Variants in DNER observed in about 807,000 individuals in gnomAD.
DNER encodes delta and Notch-like epidermal growth factor-related receptor.
DNER carries 33 observed loss-of-function variants against 78.2 expected under a neutral mutation model. The ratio of observed to expected loss-of-function variants is 0.42; its 90% CI spans 0.32 to 0.56. The LOEUF is 0.56. DNER is among the 20% of genes least tolerant of loss of function. DNER has a pLI of 0.11. For missense variants in DNER, 918 were observed against 975.3 expected, an observed-to-expected ratio of 0.94 and a Z score of 0.78; for synonymous variants, 417 against 384.8, an observed-to-expected ratio of 1.08 and a Z score of -0.98.
intron 10 of DNER, 95 bp from the exon 11 acceptor site, chr2:229,388,491 T>C: frequency 7.1e-7 from 1 of 1,418,318 alleles, no homozygotes. Flanking sequence ...CTAGGGGTCA[T>C]AACCTTTAGC....
intron 5 of DNER, among the ~76,000 whole-genome samples, chr2:229,531,250 C>G (rs1208060839): frequency 6.6e-6 from 1 of 152,180 alleles, no homozygotes; most frequent in Non-Finnish European, 1.5e-5. Flanking sequence ...GAGTGCTGCT[C>G]TCAATCAACT....
intron 5 of DNER, among the ~76,000 whole-genome samples, chr2:229,544,279 C>A (rs1194136609): frequency 6.6e-6 from 1 of 152,088 alleles, no homozygotes; most frequent in Non-Finnish European, 1.5e-5. Flanking sequence ...ATGTAAAGGG[C>A]AGGCTTGGCC....
intron 1 of DNER, among the ~76,000 whole-genome samples, chr2:229,675,717 C>G (rs968749891): frequency 3.3e-5 from 5 of 152,184 alleles, no homozygotes; most frequent in Non-Finnish European, 4.4e-5. Flanking sequence ...AGTGCTCTGT[C>G]TGCATCTACT....
At chr2:229,559,397 C>G (rs559282220) in intron 4 of DNER, among the ~76,000 whole-genome samples, 3 of 152,246 alleles carry the variant, frequency 2.0e-5, no homozygotes, top group South Asian at 4.2e-4. Context: ...ATCAGACCAT[C>G]ATCATACTAG....
chr2:229,489,484 A>G (rs1283336091), intron 6 of DNER, among the ~76,000 whole-genome samples: 1 of 147,712 alleles, frequency 6.8e-6, no homozygotes, highest in African/African-American at 2.5e-5. Context: ...CGGCAACATG[A>G]CTGGGTGGGT....
At chr2:229,461,676 C>T (rs536558617) in intron 7 of DNER, among the ~76,000 whole-genome samples, 2 of 151,930 alleles carry the variant, frequency 1.3e-5, no homozygotes, top group Non-Finnish European at 2.9e-5. Flanking sequence ...ATATACAGTC[C>T]TAACTGGAAG....
intron 7 of DNER, among the ~76,000 whole-genome samples, chr2:229,459,549 T>G (rs1574852900): frequency 6.6e-6 from 1 of 152,202 alleles, no homozygotes; most frequent in Non-Finnish European, 1.5e-5. Flanking sequence ...CACCATCTAC[T>G]TTTTACAGAC....
intron 7 of DNER, among the ~76,000 whole-genome samples, chr2:229,469,995 A>G (rs1192983136): frequency 6.6e-6 from 1 of 152,214 alleles, no homozygotes; most frequent in Admixed American, 6.5e-5. Flanking sequence ...CTTAACACAT[A>G]GGAGGCACTC....
intron 4 of DNER, among the ~76,000 whole-genome samples, chr2:229,557,272 A>G (rs1427812257): frequency 6.6e-6 from 1 of 152,248 alleles, no homozygotes; most frequent in Admixed American, 6.5e-5. Context: ...ACTTTATAAG[A>G]AATGCAGAGC....
intron 1 of DNER, among the ~76,000 whole-genome samples, chr2:229,637,617 G>A (rs190742853): frequency 2.6e-5 from 4 of 152,286 alleles, no homozygotes; most frequent in Admixed American, 6.5e-5. Context: ...GTGCTCTAGC[G>A]TGTATCTCTT....
Position 229,358,447 on chromosome 2 carries a change from C to T in DNER, c.*93G>A. 1 of 1,004,164 alleles carries T rather than the reference C, an allele frequency of 1.0e-6. No individual in the cohort carries two copies. The highest frequency in any genetic ancestry group is 2.3e-5 in the South Asian group (1 of 42,930). The allele number at this position is 1,004,164 out of a possible 1,614,324, so 62.2% of individuals were successfully genotyped here. On this transcript the variant is annotated 3_prime_UTR_variant, in exon 13 of 13. Transcript: ENST00000341772. ...TATTCTACTGAAAACTCTTGAGCAG[C>T]TAGCATTTTAAATTTCTTAAGCTTT... is the stretch of plus-strand genomic sequence containing the variant.
chr2:229,513,898 C>T (rs1440204582), intron 5 of DNER, among the ~76,000 whole-genome samples: 1 of 152,114 alleles, frequency 6.6e-6, no homozygotes, highest in Non-Finnish European at 1.5e-5. Flanking sequence ...CCTCCCTCTC[C>T]CTGTCCTCAG....
At chr2:229,539,339 C>T (rs1015443076) in intron 5 of DNER, among the ~76,000 whole-genome samples, 2 of 152,174 alleles carry the variant, frequency 1.3e-5, no homozygotes, top group African/African-American at 4.8e-5. Context: ...TTCACTGATG[C>T]TTTCAAACCA....
At chr2:229,439,573 ATGC>A (rs913304104) in intron 8 of DNER, among the ~76,000 whole-genome samples, 1 of 152,276 alleles carries the variant, frequency 6.6e-6, no homozygotes, top group African/African-American at 2.4e-5. Context: ...AAGGCAAGGC[ATGC>A]AGGATTTCAG....
Position 229,550,851 on chromosome 2 carries a change from C to T in DNER, c.848-3759G>A, listed in dbSNP as rs17677401. Among the ~76,000 whole-genome samples, 1,007 of 152,252 alleles carry T rather than the reference C, an allele frequency of 6.6e-3. 34 individuals are homozygous for T. Among genetic ancestry groups the T allele is most frequent in the Admixed American group, 0.046 (704 of 15,282 alleles). On this transcript the variant is annotated intron_variant, in intron 4 of 12. Coordinates refer to ENST00000341772, the MANE Select transcript of DNER (RefSeq NM_139072.4). Reference sequence around the variant, plus strand: ...ATTAACTGGATAGAAACAGAGCCCACGTTGGTTCACCTTGCCTGCATGGTA... The same window carrying T: ...ATTAACTGGATAGAAACAGAGCCCATGTTGGTTCACCTTGCCTGCATGGTA...
At chr2:229,638,024 A>G (rs1016115645) in intron 1 of DNER, among the ~76,000 whole-genome samples, 2 of 152,236 alleles carry the variant, frequency 1.3e-5, no homozygotes, top group African/African-American at 4.8e-5. Flanking sequence ...TCTGTGTTCT[A>G]TTCAGAGCTA....
intron 7 of DNER, among the ~76,000 whole-genome samples, chr2:229,474,326 G>A (rs1694988493): frequency 6.6e-6 from 1 of 152,216 alleles, no homozygotes; most frequent in South Asian, 2.1e-4. Flanking sequence ...CAGTCACCAG[G>A]TATGAGCTCC....
chr2:229,498,222 T>C (rs997980895), intron 6 of DNER, among the ~76,000 whole-genome samples: 3 of 152,130 alleles, frequency 2.0e-5, no homozygotes, highest in Non-Finnish European at 4.4e-5. Flanking sequence ...TGACCAAATT[T>C]AGCATCCTTT....
At chr2:229,544,286 G>C (rs1187897612) in intron 5 of DNER, among the ~76,000 whole-genome samples, 1 of 152,042 alleles carries the variant, frequency 6.6e-6, no homozygotes, top group Non-Finnish European at 1.5e-5. Flanking sequence ...GGGCAGGCTT[G>C]GCCTCCTGGA....
Sources: gnomAD v4.1 joint callset for allele counts (sites outside exome capture counted in the v4.1 genomes callset) on GRCh38, gnomAD v4.1.1 for gene constraint, MANE v1.5 for transcripts, NCBI Gene and HGNC (gene_info 2026-07-23, HGNC 2026-07-21) for gene names.